Variants in KIAA0825 observed in about 807,000 individuals in gnomAD.
The protein encoded by KIAA0825 is uncharacterized protein KIAA0825.
Under a neutral mutation model 147.6 loss-of-function variants are expected in KIAA0825, and 119 were observed. That is an observed-to-expected ratio of 0.81 (90% CI 0.69 to 0.94). KIAA0825 has a LOEUF of 0.94. Ranked by LOEUF, KIAA0825 falls within the 40% of genes least tolerant of loss-of-function variation. The pLI, the probability that KIAA0825 is intolerant of heterozygous loss-of-function variation, is 0.00. For synonymous variants in KIAA0825, 470 were observed against 518.1 expected, an observed-to-expected ratio of 0.91 and a Z score of 1.26; for missense variants, 1,381 against 1,472.7, an observed-to-expected ratio of 0.94 and a Z score of 1.02.
chr5:94,411,973 C>T (rs1391220424), intron 15 of KIAA0825, among the ~76,000 whole-genome samples: 1 of 151,114 alleles, frequency 6.6e-6, no homozygotes, highest in East Asian at 1.9e-4. Flanking sequence ...ATAAACTGGA[C>T]TCATCAAAAT....
chr5:94,206,164 T>G (rs890981840), intron 20 of KIAA0825, among the ~76,000 whole-genome samples: 1 of 152,186 alleles, frequency 6.6e-6, no homozygotes, highest in Non-Finnish European at 1.5e-5. Flanking sequence ...GACTTTGTTT[T>G]GAAGAGCATA....
intron 1 of KIAA0825, chr5:94,594,568 C>G (rs1584993836): frequency 6.8e-6 from 5 of 731,882 alleles, no homozygotes; most frequent in East Asian, 2.6e-5. Context: ...AGGCTGCCAC[C>G]AGGAGCTGAA....
chr5:94,436,973 C>T (rs1013526701), intron 14 of KIAA0825, among the ~76,000 whole-genome samples: 3 of 152,028 alleles, frequency 2.0e-5, no homozygotes, highest in African/African-American at 7.2e-5. Context: ...GATTTTGTAT[C>T]CTAAGACTTT....
At chr5:94,606,678 G>A (rs976785763) in intron 1 of KIAA0825, among the ~76,000 whole-genome samples, 2 of 152,134 alleles carry the variant, frequency 1.3e-5, no homozygotes, top group Non-Finnish European at 1.5e-5. Context: ...CAGAATGGGA[G>A]AAAATATTTG....
Position 94,452,959 on chromosome 5 carries a change from C to A in KIAA0825, c.2357G>T (p.Arg786Met). 6.9e-7 allele frequency: 1 copy of A among 1,456,982 alleles called. No individual in the cohort carries two copies. Among genetic ancestry groups the A allele is most frequent in the Non-Finnish European group, 9.2e-7 (1 of 1,089,104 alleles). The allele number at this position is 1,456,982 out of a possible 1,614,324, so 90.3% of individuals were successfully genotyped here. Residue 786 changes from arginine to methionine, a missense_variant and splice_region_variant, in exon 13 of 21, where the codon AGG becomes ATG. Transcript: ENST00000682413. ...TAGTATGGCATTTAGAGGCTCTCAC[C>A]TGAGTAAAGAAGGGTAGAAATGTGA... ...CISHFYPSLLRTPSAGGLKAE... is the reference protein window; with the variant it reads ...CISHFYPSLLMTPSAGGLKAE...
chr5:94,598,742 C>A (rs1785762094), intron 1 of KIAA0825, among the ~76,000 whole-genome samples: 2 of 152,082 alleles, frequency 1.3e-5, no homozygotes, highest in Admixed American at 1.3e-4. Flanking sequence ...TATGATATTA[C>A]TGGGCAAAAG....
chr5:94,254,938 T>C (rs939767361), intron 20 of KIAA0825, among the ~76,000 whole-genome samples: 2 of 152,048 alleles, frequency 1.3e-5, no homozygotes, highest in East Asian at 1.9e-4. Context: ...GGATTACAGA[T>C]GTATTTCTCT....
intron 20 of KIAA0825, among the ~76,000 whole-genome samples, chr5:94,258,379 C>T (rs1776343545): frequency 6.6e-6 from 1 of 151,922 alleles, no homozygotes; most frequent in Admixed American, 6.6e-5. Flanking sequence ...GAGGTGAAGT[C>T]TTATGCTTAG....
intron 5 of KIAA0825, among the ~76,000 whole-genome samples, chr5:94,491,368 A>G (rs183285848): frequency 6.6e-6 from 1 of 152,284 alleles, no homozygotes; most frequent in Non-Finnish European, 1.5e-5. Context: ...ACCATGTAGG[A>G]ACAAACAATA....
intron 13 of KIAA0825, among the ~76,000 whole-genome samples, chr5:94,441,206 C>T (rs1285219645): frequency 4.1e-5 from 6 of 145,210 alleles, no homozygotes; most frequent in Admixed American, 3.4e-4. Context: ...AAACCAGCAG[C>T]ATCAACATCA....
chr5:94,342,965 A>G (rs1286973192), intron 20 of KIAA0825, among the ~76,000 whole-genome samples: 3 of 152,292 alleles, frequency 2.0e-5, no homozygotes, highest in African/African-American at 7.2e-5. Flanking sequence ...AAAAGAGAAA[A>G]CAAAAGCTTA....
At position 94,408,060 on chromosome 5, in the gene KIAA0825, C is replaced by T. The variant is rs375000341; in HGVS notation, c.2663-4267G>A. 1.1e-4 allele frequency among the ~76,000 whole-genome samples: 16 copies of T among 152,234 alleles called. No homozygotes were observed. The East Asian group carries it at 2.1e-3, about 20-fold the overall frequency. ...AGCACAAAAGTATCCACAAATAATACGTAAGTGAATAAACAGGGCAATTTC... is the reference window on the plus strand; with the variant it reads ...AGCACAAAAGTATCCACAAATAATATGTAAGTGAATAAACAGGGCAATTTC... On this transcript the variant is annotated intron_variant, in intron 15 of 20. Coordinates refer to ENST00000682413, the MANE Select transcript of KIAA0825 (RefSeq NM_001145678.3).
intron 14 of KIAA0825, among the ~76,000 whole-genome samples, chr5:94,433,622 G>A (rs1012216231): frequency 1.3e-5 from 2 of 152,236 alleles, no homozygotes; most frequent in East Asian, 3.9e-4. Context: ...TTTACTAGTT[G>A]TGCAACTTGG....
chr5:94,308,986 T>A (rs1778927378), intron 20 of KIAA0825, among the ~76,000 whole-genome samples: 1 of 151,802 alleles, frequency 6.6e-6, no homozygotes, highest in South Asian at 2.1e-4. Context: ...TGTGCTCTAT[T>A]TGCTTTTCTT....
chr5:94,539,243 T>C (rs55715600), intron 2 of KIAA0825, among the ~76,000 whole-genome samples: 2,613 of 152,292 alleles, frequency 0.017, 44 homozygotes, highest in Non-Finnish European at 0.024. Context: ...CCACCCCTTG[T>C]TTGGCATATC....
chr5:94,226,610 C>A (rs578068014), intron 20 of KIAA0825, among the ~76,000 whole-genome samples: 2 of 152,108 alleles, frequency 1.3e-5, no homozygotes, highest in South Asian at 4.2e-4. Context: ...AGACTTGGAA[C>A]CAACCCAAAT....
intron 5 of KIAA0825, among the ~76,000 whole-genome samples, chr5:94,492,377 T>C (rs1156778434): frequency 6.6e-6 from 1 of 152,202 alleles, no homozygotes; most frequent in Non-Finnish European, 1.5e-5. Context: ...ATGTTAGATT[T>C]TAGTCTCATC....
intron 2 of KIAA0825, among the ~76,000 whole-genome samples, chr5:94,566,650 T>A (rs1384579358): frequency 6.6e-6 from 1 of 152,142 alleles, no homozygotes; most frequent in Non-Finnish European, 1.5e-5. Flanking sequence ...CTATTCTTTT[T>A]ATATTTTTCC....
At chr5:94,376,916 CT>C (rs1747665957) in intron 20 of KIAA0825, among the ~76,000 whole-genome samples, 1 of 152,164 alleles carries the variant, frequency 6.6e-6, no homozygotes, top group Non-Finnish European at 1.5e-5. Context: ...CAGGAATTTA[CT>C]GCTGTGAGCA....
Sources: allele counts gnomAD v4.1 joint callset (sites outside exome capture counted in the v4.1 genomes callset), GRCh38; gene constraint gnomAD v4.1.1; transcripts MANE v1.5; gene names NCBI Gene and HGNC (gene_info 2026-07-23, HGNC 2026-07-21).